Variants in MCF2L observed in about 807,000 individuals in gnomAD.
MCF2L encodes the protein MCF.2 cell line derived transforming sequence like, also known as guanine nucleotide exchange factor DBS.
Under a neutral mutation model 153.4 loss-of-function variants are expected in MCF2L, and 97 were observed. The observed-to-expected ratio is 0.63, with a 90% CI of 0.54 to 0.75. The LOEUF is 0.75. Among genes scored for constraint, MCF2L ranks in the 30% least tolerant of loss-of-function variants. MCF2L has a pLI of 0.00. For synonymous variants in MCF2L, 659 were observed against 632.2 expected (o/e 1.04, Z -0.64); for missense variants, 1,347 against 1,495.2 (o/e 0.90, Z 1.64).
At chr13:112,903,233 T>G (rs896108680) in intron 2 of MCF2L, among the ~76,000 whole-genome samples, 3 of 152,234 alleles carry the variant, frequency 2.0e-5, no homozygotes, top group African/African-American at 7.2e-5. Context: ...GGGATTTTGA[T>G]AATTCTGCTG....
rs1050529396 is a variant in MCF2L at position 113,097,599 on chromosome 13, C to T, written c.*740C>T. 1 of 152,022 alleles carries T rather than the reference C, an allele frequency of 6.6e-6. No homozygotes were observed. The highest frequency in any genetic ancestry group is 1.5e-5 in the Non-Finnish European group (1 of 68,030). The allele number at this position is 152,022 out of a possible 1,614,324, so 9.4% of individuals were successfully genotyped here. ...GAAGCCAAGGAGATTCCTTTATCTA[C>T]CTAGGGTTCATTTTCAAAAGAAAAT... On this transcript the variant is annotated 3_prime_UTR_variant, in exon 30 of 30. Coordinates refer to ENST00000535094, the MANE Select transcript of MCF2L (RefSeq NM_001112732.3).
At chr13:112,923,936 T>G (rs2081378636) in intron 2 of MCF2L, among the ~76,000 whole-genome samples, 1 of 152,168 alleles carries the variant, frequency 6.6e-6, no homozygotes, top group Non-Finnish European at 1.5e-5. Flanking sequence ...TGTAGAACAT[T>G]CCTAAATTGG....
At position 112,932,661 on chromosome 13, in the gene MCF2L, TAAA is replaced by T. The variant is rs1419582825; in HGVS notation, c.169+30294_169+30296del. ...CTAAACAAAGCTAAACAAAGTTACT[TAAA>T]AAAGAAGCATCTCAGTACCGTCAGT... On this transcript the variant is annotated intron_variant, in intron 2 of 29. Transcript: ENST00000375608. This position sits in a 1 kb window ranked among gnomAD's most constrained non-coding sequence, Gnocchi z 4.6. 6.6e-6 allele frequency among the ~76,000 whole-genome samples: 1 copy of T among 151,996 alleles called. No individual in the cohort carries two copies. Among genetic ancestry groups the T allele is most frequent in the African/African-American group, 2.4e-5 (1 of 41,386 alleles).
rs59884971 is a variant in MCF2L at position 113,055,382 on chromosome 13, CCACACACACACACACACACACACACACA to C, written c.370-5175_370-5148del. Among the ~76,000 whole-genome samples the C allele has an allele frequency of 9.0e-3, 137 of 15,242 alleles. 31 individuals carry two copies. The highest frequency in any genetic ancestry group is 0.015 in the East Asian group (7 of 472). The allele number at this position is 15,242 out of a possible 152,430, so 10.0% of individuals were successfully genotyped here. ...CTGGAGACGTGGACCCCCCCCCCCG[CCACACACACACACACACACACACACACA>C]CACACACACACACACACACACACAC... is the stretch of plus-strand genomic sequence containing the variant. On this transcript the variant is annotated intron_variant, in intron 4 of 29. Coordinates refer to ENST00000535094, the MANE Select transcript of MCF2L (RefSeq NM_001112732.3).
In MCF2L at chr13:113,096,500, A is replaced by C. The variant is rs1187312504; in HGVS notation, c.3188+17A>C. ...GGGCCTCTGGTAAGACCCCGCGCTC[A>C]GCCCCGGACTGCCCCGCACGTGGCT... On this transcript the variant is annotated intron_variant, in intron 28 of 29. Coordinates refer to ENST00000535094, the MANE Select transcript of MCF2L (RefSeq NM_001112732.3). The C allele has an allele frequency of 6.3e-7, 1 of 1,582,556 alleles. No individual in the cohort carries two copies. The highest frequency in any genetic ancestry group is 8.6e-7 in the Non-Finnish European group (1 of 1,165,664).
In MCF2L at chr13:113,091,381, C is replaced by A. The variant is rs115944824; in HGVS notation, c.2953+1653C>A. On this transcript the variant is annotated intron_variant, in intron 26 of 29. Transcript: ENST00000535094. Reference sequence around the variant, plus strand: ...GTGACAGGTCCTCGAGGACAGCACGCCTCTCAGCCAACTCCTCACAGCAGG... The same window carrying A: ...GTGACAGGTCCTCGAGGACAGCACGACTCTCAGCCAACTCCTCACAGCAGG... Among the ~76,000 whole-genome samples, 469 of 152,338 alleles carry A rather than the reference C, an allele frequency of 3.1e-3. 2 individuals are homozygous for A. The highest frequency in any genetic ancestry group is 0.011 in the African/African-American group (456 of 41,574).
intron 2 of MCF2L, among the ~76,000 whole-genome samples, chr13:113,016,682 C>T (rs2084539220): frequency 1.3e-5 from 2 of 152,194 alleles, no homozygotes; most frequent in Non-Finnish European, 2.9e-5. Flanking sequence ...TCCCCATCCC[C>T]CTGCCTCCCG....
At chr13:112,988,939 C>G (rs1402659753) in intron 1 of MCF2L, among the ~76,000 whole-genome samples, 1 of 136,162 alleles carries the variant, frequency 7.3e-6, no homozygotes, top group African/African-American at 3.1e-5. Flanking sequence ...CCTCCCTGAG[C>G]AGGACATGGA....
chr13:112,980,874 C>T (rs994819027), intron 1 of MCF2L, among the ~76,000 whole-genome samples: 7 of 152,212 alleles, frequency 4.6e-5, no homozygotes, highest in Admixed American at 1.3e-4. Flanking sequence ...GGGTGTCCAG[C>T]GCTCCATTCA....
chr13:113,055,625 G>A (rs1166623044), intron 4 of MCF2L, among the ~76,000 whole-genome samples: 2 of 152,214 alleles, frequency 1.3e-5, no homozygotes, highest in African/African-American at 4.8e-5. Flanking sequence ...CCCTTGCTGA[G>A]ACACAGAATC....
intron 2 of MCF2L, among the ~76,000 whole-genome samples, chr13:113,020,411 G>T (rs369065553): frequency 6.6e-6 from 1 of 152,350 alleles, no homozygotes; most frequent in South Asian, 2.1e-4. Context: ...ACGCGTGTGC[G>T]TGTGTGTATC....
At chr13:112,975,797 G>A (rs1355186481) in intron 1 of MCF2L, among the ~76,000 whole-genome samples, 1 of 152,222 alleles carries the variant, frequency 6.6e-6, no homozygotes, top group Non-Finnish European at 1.5e-5. Flanking sequence ...GGTTGACCTC[G>A]TTGCGGTCGC....
chr13:113,030,930 C>G (rs1358855397), intron 3 of MCF2L, among the ~76,000 whole-genome samples: 1 of 152,074 alleles, frequency 6.6e-6, no homozygotes, highest in African/African-American at 2.4e-5. Flanking sequence ...AACACAACAG[C>G]AAATAAACAG....
intron 2 of MCF2L, among the ~76,000 whole-genome samples, chr13:112,936,099 G>A (rs1243421270): frequency 6.6e-6 from 1 of 152,110 alleles, no homozygotes; most frequent in African/African-American, 2.4e-5. Flanking sequence ...GGCCAACATA[G>A]TGAAACCCCG....
At chr13:112,933,453 G>A (rs930286312) in intron 2 of MCF2L, among the ~76,000 whole-genome samples, 3 of 152,196 alleles carry the variant, frequency 2.0e-5, no homozygotes, top group Admixed American at 6.5e-5. Flanking sequence ...GTCCAGCCTC[G>A]TGCTGCCCGC....
chr13:112,989,106 A>C (rs1395256345), intron 1 of MCF2L, among the ~76,000 whole-genome samples: 1 of 51,072 alleles, frequency 2.0e-5, no homozygotes, highest in East Asian at 5.9e-4. Context: ...GAGCTACCAC[A>C]CCGGAGTCCT....
chr13:112,987,311 C>CATGCAGTCCCCGGTGGGGGGCAGGG (rs11268184), intron 1 of MCF2L, among the ~76,000 whole-genome samples: 1 of 151,716 alleles, frequency 6.6e-6, no homozygotes, highest in Non-Finnish European at 1.5e-5. Flanking sequence ...GCCTGGAGCA[C>CATGCAGTCCCCGGTGGGGGGCAGGG]ACCTTGTGGA....
chr13:112,935,335 G>A (rs1168135735), intron 2 of MCF2L, among the ~76,000 whole-genome samples: 7 of 152,136 alleles, frequency 4.6e-5, no homozygotes, highest in African/African-American at 1.7e-4. Flanking sequence ...TCAGCTCACT[G>A]CAGCCTCCGC....
At chr13:113,016,557 C>T (rs1481835313) in intron 2 of MCF2L, among the ~76,000 whole-genome samples, 1 of 152,200 alleles carries the variant, frequency 6.6e-6, no homozygotes, top group Non-Finnish European at 1.5e-5. Context: ...ACCAAAGCCT[C>T]CGTCGGCTCC....
Sources: gnomAD v4.1 joint callset for allele counts (sites outside exome capture counted in the v4.1 genomes callset) on GRCh38, gnomAD v4.1.1 for gene constraint, Gnocchi (gnomAD v3.1) non-coding constraint, MANE v1.5 for transcripts, NCBI Gene and HGNC (gene_info 2026-07-23, HGNC 2026-07-21) for gene names.